CFAP92: variants seen among roughly 807,000 people sequenced by gnomAD.
The protein encoded by CFAP92 is uncharacterized protein CFAP92.
A neutral mutation model predicts 106.3 loss-of-function variants in CFAP92; 86 were observed. The ratio of observed to expected loss-of-function variants is 0.81; its 90% CI spans 0.68 to 0.97. The LOEUF (loss-of-function observed/expected upper bound fraction) is 0.97, where lower values mean the gene tolerates loss of function less well. Among genes scored for constraint, CFAP92 ranks in the 50% least tolerant of loss-of-function variants. The pLI is 0.00. For missense variants in CFAP92, 1,204 were observed against 1,283.8 expected (o/e 0.94, Z 0.95); for synonymous variants, 477 against 506.4 (o/e 0.94, Z 0.78).
intron 9 of CFAP92, 134 bp downstream of exon 9, chr3:128,965,377 C>T: frequency 5.0e-6 from 2 of 396,584 alleles, no homozygotes; most frequent in Non-Finnish European, 4.4e-6. Flanking sequence ...GTTTGGTAGT[C>T]TCTTCACACG....
chr3:128,926,401 C>T (rs1256511129), intron 12 of CFAP92, among the ~76,000 whole-genome samples: 1 of 152,150 alleles, frequency 6.6e-6, no homozygotes, highest in African/African-American at 2.4e-5. Flanking sequence ...GTAGTTCCAG[C>T]CACTCAGGAG....
chr3:129,004,896 G>C (rs1380306023), upstream of CFAP92, among the ~76,000 whole-genome samples: 1 of 152,142 alleles, frequency 6.6e-6, no homozygotes, highest in African/African-American at 2.4e-5. Context: ...ACGTGTGAGT[G>C]TGGGCAAGTC....
intron 9 of CFAP92, among the ~76,000 whole-genome samples, chr3:128,951,109 C>T (rs906275948): frequency 6.6e-6 from 1 of 152,086 alleles, no homozygotes; most frequent in African/African-American, 2.4e-5. Flanking sequence ...GTGCCAGGCA[C>T]CTGTAATTCC....
At chr3:128,914,167 C>A (rs944961053) in intron 15 of CFAP92, among the ~76,000 whole-genome samples, 1 of 152,194 alleles carries the variant, frequency 6.6e-6, no homozygotes, top group East Asian at 1.9e-4. Context: ...GAGACTTTTG[C>A]TGGGAAGGCT....
chr3:128,987,630 G>C lies in CFAP92; in HGVS notation c.653C>G (p.Ala218Gly). The C allele has an allele frequency of 6.2e-7, 1 of 1,613,884 alleles. No individual in the cohort carries two copies. The highest frequency in any genetic ancestry group is 8.5e-7 in the Non-Finnish European group (1 of 1,179,808). Residue 218 changes from alanine to glycine, a missense_variant, in exon 4 of 16, where the codon GCT (alanine) becomes GGT (glycine). Physicochemically the swap from Ala to Gly is moderately conservative, Grantham distance 60. Transcript: ENST00000645291. ...KTAGFTDDVG[A>G]FHKSEVRHLV... Reference sequence around the variant, plus strand: ...AACCAGAGCACCTGACTTATGAAAAGCTCCCACGTCGTCTGTGAAGCCGGC... The same window carrying C: ...AACCAGAGCACCTGACTTATGAAAACCTCCCACGTCGTCTGTGAAGCCGGC...
chr3:128,989,954 G>T (rs1944110124), intron 2 of CFAP92, among the ~76,000 whole-genome samples: 1 of 152,206 alleles, frequency 6.6e-6, no homozygotes. Flanking sequence ...TAAAGGGGAA[G>T]TTGACAATAT....
chr3:128,978,244 TA>T, intron 4 of CFAP92, 59 bp from the exon 5 acceptor site: 1 of 1,551,450 alleles, frequency 6.4e-7, no homozygotes, highest in South Asian at 1.2e-5. Flanking sequence ...TTTATTGAAT[TA>T]ACTACTATGG....
intron 7 of CFAP92, among the ~76,000 whole-genome samples, chr3:128,975,540 AGATG>A (rs1943097422): frequency 1.3e-5 from 2 of 151,772 alleles, no homozygotes; most frequent in South Asian, 2.1e-4. Flanking sequence ...GGATGAATAG[AGATG>A]GATGGATAGA....
In CFAP92 at chr3:128,937,332, A is replaced by C. The variant is rs62265297; in HGVS notation, c.2259-2013T>G. Among the ~76,000 whole-genome samples, 63 of 143,582 alleles carry C rather than the reference A, an allele frequency of 4.4e-4. 1 individual carries two copies. Among genetic ancestry groups the C allele is most frequent in the African/African-American group, 9.4e-4 (36 of 38,444 alleles). The allele number at this position is 143,582 out of a possible 152,430, so 94.2% of individuals were successfully genotyped here. A position where few individuals can be genotyped will look rare whatever the true frequency, so the allele number is the denominator to read the frequency against. On this transcript the variant is annotated intron_variant, in intron 10 of 15. Transcript: ENST00000645291. ...TGTCTCAAAAAAAAAAAAAAAAAAA[A>C]CCACGCGTAGTGGTTTACGCCTGTA...
At position 128,945,676 on chromosome 3, in the gene CFAP92, G is replaced by A. The variant is rs138621669; in HGVS notation, c.1653C>T (p.Asn551=). 18,649 of 1,536,080 alleles carry A rather than the reference G, an allele frequency of 0.012. 248 individuals are homozygous for A. The highest frequency in any genetic ancestry group is 0.012 in the South Asian group (1,025 of 84,062). Residue 551 remains asparagine, a synonymous_variant, in exon 10 of 16, where the codon AAC becomes AAT. Transcript: ENST00000645291. The part of the protein sequence containing the change: ...ALISPRETEN[N]PFESQNKMWY... ...ACATCTTGTTCTGGGACTCAAAGGGGTTGTTCTCTGTCTCTCTGGGAGAGA... is the reference window on the plus strand; with the variant it reads ...ACATCTTGTTCTGGGACTCAAAGGGATTGTTCTCTGTCTCTCTGGGAGAGA...
At chr3:128,944,332 G>C (rs898051408) in intron 10 of CFAP92, among the ~76,000 whole-genome samples, 1 of 152,118 alleles carries the variant, frequency 6.6e-6, no homozygotes, top group African/African-American at 2.4e-5. Context: ...GCTTATAATA[G>C]ATACAAGGCC....
chr3:128,946,523 C>A (rs1940233863), intron 9 of CFAP92, among the ~76,000 whole-genome samples: 1 of 152,190 alleles, frequency 6.6e-6, no homozygotes, highest in African/African-American at 2.4e-5. Context: ...AGGCAGAAAG[C>A]AGGGACATTT....
intron 10 of CFAP92, among the ~76,000 whole-genome samples, chr3:128,940,977 G>T (rs978981515): frequency 6.6e-6 from 1 of 152,096 alleles, no homozygotes; most frequent in African/African-American, 2.4e-5. Context: ...AAAACTGGAA[G>T]TGCACTGAAT....
At chr3:128,938,171 G>T (rs1463851395) in intron 10 of CFAP92, among the ~76,000 whole-genome samples, 2 of 151,842 alleles carry the variant, frequency 1.3e-5, no homozygotes, top group African/African-American at 4.8e-5. Flanking sequence ...GGTCAAGGCT[G>T]CAGTGAATTG....
rs542559870 is a variant in CFAP92 at position 128,971,215 on chromosome 3, G to T, written c.1168+72C>A. The T allele has an allele frequency of 6.2e-6, 10 of 1,608,482 alleles. No individual in the cohort carries two copies. In the South Asian group the frequency reaches 1.0e-4, roughly 16 times the overall value. ...TGGCACGCAGCAGGGTTGTCATTAG[G>T]AGCATCCGCTTATGGCCGTTCTGGC... On this transcript the variant is annotated intron_variant, in intron 8 of 15. Transcript: ENST00000645291.
intron 8 of CFAP92, chr3:128,968,395 C>G (rs1942538847): frequency 6.6e-6 from 1 of 152,110 alleles, no homozygotes; most frequent in Non-Finnish European, 1.5e-5. Flanking sequence ...AGATGATTAC[C>G]AAAAATAATT....
intron 1 of CFAP92, among the ~76,000 whole-genome samples, chr3:129,000,803 T>C (rs1297217006): frequency 6.6e-6 from 1 of 152,148 alleles, no homozygotes; most frequent in African/African-American, 2.4e-5. Flanking sequence ...GAGACACCAC[T>C]TTCCCGAGAG....
At chr3:129,022,028 C>T in the CFAP92 span, among the ~76,000 whole-genome samples, 629 of 152,288 alleles carry the variant, frequency 4.1e-3, 3 homozygotes, top group African/African-American at 0.014. Flanking sequence ...CCGGGGCAGG[C>T]GCAGAGCTCT....
In CFAP92 at chr3:128,989,289, T is replaced by TA. The variant is rs56776852; in HGVS notation, c.263-372dup. Reference sequence around the variant, plus strand: ...GTCCCTCCTGGCCCTAAGAAGCAGGTAAAAAAAAAAAAAAAAAAAAATCAC... The same window carrying TA: ...GTCCCTCCTGGCCCTAAGAAGCAGGTAAAAAAAAAAAAAAAAAAAAAATCAC... On this transcript the variant is annotated intron_variant, in intron 2 of 15. Transcript: ENST00000645291. 4.3e-3 allele frequency among the ~76,000 whole-genome samples: 529 copies of TA among 122,240 alleles called. 1 individual carries two copies. The highest frequency in any genetic ancestry group is 8.1e-3 in the Middle Eastern group (2 of 246). The allele number at this position is 122,240 out of a possible 152,430, so 80.2% of individuals were successfully genotyped here.
Sources: allele counts gnomAD v4.1 joint callset (sites outside exome capture counted in the v4.1 genomes callset), GRCh38; gene constraint gnomAD v4.1.1; transcripts MANE v1.5; gene names NCBI Gene and HGNC (gene_info 2026-07-23, HGNC 2026-07-21).